Variants in TAMALIN observed in about 807,000 individuals in gnomAD.
TAMALIN encodes the protein protein TAMALIN.
TAMALIN carries 9 observed loss-of-function variants against 38.5 expected under a neutral mutation model. That is an observed-to-expected ratio of 0.23 (90% CI 0.14 to 0.41). The LOEUF (loss-of-function observed/expected upper bound fraction) is 0.41. Among genes scored for constraint, TAMALIN ranks in the 10% least tolerant of loss-of-function variants. The pLI is 1.00. For missense variants in TAMALIN, 548 were observed against 554.1 expected (o/e 0.99, Z 0.11); for synonymous variants, 306 against 256.5 (o/e 1.19, Z -1.85).
chr12:52,013,100 C>T (rs1387494113), intron 4 of TAMALIN, among the ~76,000 whole-genome samples: 8 of 126,850 alleles, frequency 6.3e-5, no homozygotes, highest in Admixed American at 4.3e-4. Flanking sequence ...TTTTTTGAGA[C>T]GGAGTCTCGC....
At chr12:52,014,275 T>C in intron 7 of TAMALIN, 74 bp downstream of exon 7, 1 of 1,274,498 alleles carries the variant, frequency 7.8e-7, no homozygotes, top group Non-Finnish European at 1.1e-6. Flanking sequence ...CCCTCAGAAC[T>C]GGCGGGTTCT....
At position 52,011,542 on chromosome 12, in the gene TAMALIN, T is replaced by C. The variant is rs1456831792; in HGVS notation, c.454+401T>C. 6.6e-6 allele frequency among the ~76,000 whole-genome samples: 1 copy of C among 152,046 alleles called. No individual in the cohort carries two copies. Among genetic ancestry groups the C allele is most frequent in the Non-Finnish European group, 1.5e-5 (1 of 68,008 alleles). On this transcript the variant is annotated intron_variant, in intron 4 of 7. Coordinates refer to ENST00000293662, the MANE Select transcript of TAMALIN (RefSeq NM_181711.4). The surrounding 1 kb of genome is among the most constrained non-coding windows in gnomAD (Gnocchi z 5.3). Reference sequence around the variant, plus strand: ...TGTTTGATATTGGGGATCAGGCCAATCCTGCCCCAAAATGGGCCCAGTGCT... The same window carrying C: ...TGTTTGATATTGGGGATCAGGCCAACCCTGCCCCAAAATGGGCCCAGTGCT...
intron 1 of TAMALIN, among the ~76,000 whole-genome samples, 184 bp from the exon 2 acceptor site, chr12:52,009,006 A>G (rs148022115): frequency 2.0e-5 from 3 of 152,288 alleles, no homozygotes; most frequent in Non-Finnish European, 4.4e-5. Flanking sequence ...GCCTGTAGAG[A>G]AAGTTGAGGA....
In TAMALIN at chr12:52,007,326, G is replaced by C. The variant is rs1447663984; in HGVS notation, c.246+61G>C. The C allele has an allele frequency of 3.0e-6, 4 of 1,351,082 alleles. No individual in the cohort carries two copies. Among genetic ancestry groups the C allele is most frequent in the East Asian group, 5.7e-5 (2 of 35,302 alleles). The allele number at this position is 1,351,082 out of a possible 1,614,324, so 83.7% of individuals were successfully genotyped here. A position where few individuals can be genotyped will look rare whatever the true frequency, so the allele number is the denominator to read the frequency against. On this transcript the variant is annotated intron_variant, in intron 1 of 7. Coordinates refer to ENST00000293662, the MANE Select transcript of TAMALIN (RefSeq NM_181711.4). The surrounding 1 kb of genome is among the most constrained non-coding windows in gnomAD (Gnocchi z 6.7). Reference sequence around the variant, plus strand: ...CCCTCTCCGACTCCCTACAGGGCCTGCTGACTCCGCAGTGCCCTCTCCTCG... The same window carrying C: ...CCCTCTCCGACTCCCTACAGGGCCTCCTGACTCCGCAGTGCCCTCTCCTCG...
chr12:52,007,532 TCTC>T lies in TAMALIN; in HGVS notation c.246+270_246+272del. 3.1e-6 allele frequency: 3 copies of T among 982,534 alleles called. No individual in the cohort carries two copies. The highest frequency in any genetic ancestry group is 4.7e-5 in the South Asian group (1 of 21,172). 60.9% of individuals were successfully genotyped at this position (982,534 alleles called of 1,614,324 possible). A position where few individuals can be genotyped will look rare whatever the true frequency, so the allele number is the denominator to read the frequency against. ...CCTTGACTCCTCCCAGCACCCCCCT[TCTC>T]CTACCCGCTCCATCTGGCTTTCTGC... On this transcript the variant is annotated intron_variant, in intron 1 of 7. Coordinates refer to ENST00000293662, the MANE Select transcript of TAMALIN (RefSeq NM_181711.4). The surrounding 1 kb of genome is among the most constrained non-coding windows in gnomAD (Gnocchi z 6.7).
At chr12:52,009,714 G>C (rs1483133747) in intron 2 of TAMALIN, among the ~76,000 whole-genome samples, 1 of 152,202 alleles carries the variant, frequency 6.6e-6, no homozygotes, top group Non-Finnish European at 1.5e-5. Context: ...AGCCCTCTTA[G>C]GAGGGATCTG....
In TAMALIN at chr12:52,007,827, GC is replaced by G; in HGVS notation, c.246+564del. 1.0e-6 allele frequency: 1 copy of G among 985,454 alleles called. No individual in the cohort carries two copies. The highest frequency in any genetic ancestry group is 1.2e-6 in the Non-Finnish European group (1 of 829,930). The allele number at this position is 985,454 out of a possible 1,614,324, so 61.0% of individuals were successfully genotyped here. A position where few individuals can be genotyped will look rare whatever the true frequency, so the allele number is the denominator to read the frequency against. On this transcript the variant is annotated intron_variant, in intron 1 of 7. Coordinates refer to ENST00000293662, the MANE Select transcript of TAMALIN (RefSeq NM_181711.4). This position sits in a 1 kb window ranked among gnomAD's most constrained non-coding sequence, Gnocchi z 6.7. ...CACGTCTGACGTACGGGGCGCGAGG[GC>G]CACTGCTCCCTGGACTTCTGTCGGA...
chr12:52,010,942 G>A lies in TAMALIN; in HGVS notation c.351+7G>A, dbSNP rs1447827568. ...CTTCGGCTTTGAGATCCAGGTGGGA[G>A]AAGCTGCACACAGGGGTCAGGGGGG... On this transcript the variant is annotated splice_region_variant and intron_variant, in intron 3 of 7. Coordinates refer to ENST00000293662, the MANE Select transcript of TAMALIN (RefSeq NM_181711.4). 2 of 1,614,212 alleles carry A rather than the reference G, an allele frequency of 1.2e-6. No homozygotes were observed. The highest frequency in any genetic ancestry group is 2.2e-5 in the South Asian group (2 of 91,054).
intron 7 of TAMALIN, 55 bp from the exon 8 acceptor site, chr12:52,014,639 G>A: frequency 1.5e-6 from 2 of 1,351,742 alleles, no homozygotes; most frequent in Non-Finnish European, 9.7e-7. Flanking sequence ...ACCCTTTGCA[G>A]AGGCCACCAC....
At chr12:52,012,778 A>G (rs1023854617) in intron 4 of TAMALIN, among the ~76,000 whole-genome samples, 1 of 152,200 alleles carries the variant, frequency 6.6e-6, no homozygotes, top group Non-Finnish European at 1.5e-5. Flanking sequence ...GGGCCCTGAC[A>G]TGGGGCACAC....
At chr12:52,013,818 C>T (rs774008471) in intron 5 of TAMALIN, 38 bp downstream of exon 5, 60 of 1,612,686 alleles carry the variant, frequency 3.7e-5, no homozygotes, top group Admixed American at 8.3e-5. Flanking sequence ...TTCCTGAGCT[C>T]AGCCTCTTGG....
chr12:52,008,827 T>C (rs1195066047), intron 1 of TAMALIN: 2 of 903,570 alleles, frequency 2.2e-6, no homozygotes, highest in African/African-American at 3.6e-5. Flanking sequence ...GCTTTGGGAG[T>C]CTGGATGGCC....
intron 4 of TAMALIN, among the ~76,000 whole-genome samples, chr12:52,013,286 C>A (rs1439832666): frequency 6.6e-6 from 1 of 151,120 alleles, no homozygotes; most frequent in African/African-American, 2.4e-5. Flanking sequence ...ACCGTGTTAG[C>A]CAGGATGGTC....
At chr12:52,008,201 C>T (rs1942446262) in intron 1 of TAMALIN, 1 of 985,336 alleles carries the variant, frequency 1.0e-6, no homozygotes, top group South Asian at 4.7e-5. Context: ...TGGTTCTGAA[C>T]CTTCTCTTCC....
chr12:52,008,029 G>T (rs528053282), intron 1 of TAMALIN: 1 of 985,406 alleles, frequency 1.0e-6, no homozygotes, highest in African/African-American at 1.7e-5. Flanking sequence ...TCACCCAGCC[G>T]CCCTCCTTCG....
chr12:52,015,256 A>C lies in TAMALIN; in HGVS notation c.*57A>C. The C allele has an allele frequency of 6.6e-7, 1 of 1,506,122 alleles. No individual in the cohort carries two copies. The highest frequency in any genetic ancestry group is 2.0e-5 in the Admixed American group (1 of 50,572). The allele number at this position is 1,506,122 out of a possible 1,614,324, so 93.3% of individuals were successfully genotyped here. Reference sequence around the variant, plus strand: ...TTTATTCGCAACAGCCAGCGCTAAAAGAGGGGGAGGCCGAGCCAAGAGGAC... The same window carrying C: ...TTTATTCGCAACAGCCAGCGCTAAACGAGGGGGAGGCCGAGCCAAGAGGAC... On this transcript the variant is annotated 3_prime_UTR_variant, in exon 8 of 8. Coordinates refer to ENST00000293662, the MANE Select transcript of TAMALIN (RefSeq NM_181711.4).
chr12:52,008,067 A>C (rs894647246), intron 1 of TAMALIN: 4 of 985,292 alleles, frequency 4.1e-6, no homozygotes, highest in Admixed American at 1.2e-4. Context: ...CCCCCACACA[A>C]TGAACAGCTT....
chr12:52,011,113 C>T lies in TAMALIN; in HGVS notation c.426C>T (p.Ser142=). The change falls in exon 4 of 8, where the codon AGC becomes AGT. Residue 142 remains serine, a synonymous_variant. Coordinates refer to ENST00000293662, the MANE Select transcript of TAMALIN (RefSeq NM_181711.4). This position sits in a 1 kb window ranked among gnomAD's most constrained non-coding sequence, Gnocchi z 5.3. ...VTFVCRVHES[S]PAQLAGLTPG... is the part of the protein sequence containing the mutation. The stretch of plus-strand genomic sequence containing the variant: ...TTGTCTGCCGAGTTCATGAGTCTAG[C>T]CCTGCCCAGCTGGCTGGGCTCACAC... 6.2e-7 allele frequency: 1 copy of T among 1,612,598 alleles called. No homozygotes were observed. Among genetic ancestry groups the T allele is most frequent in the Non-Finnish European group, 8.5e-7 (1 of 1,179,984 alleles).
At chr12:52,010,260 C>T (rs1942480889) in intron 2 of TAMALIN, among the ~76,000 whole-genome samples, 1 of 151,826 alleles carries the variant, frequency 6.6e-6, no homozygotes, top group Non-Finnish European at 1.5e-5. Context: ...TCTGGCTGGG[C>T]GGGAAGGAAG....
Sources: gnomAD v4.1 joint callset for allele counts (sites outside exome capture counted in the v4.1 genomes callset) on GRCh38, gnomAD v4.1.1 for gene constraint, Gnocchi (gnomAD v3.1) non-coding constraint, MANE v1.5 for transcripts, NCBI Gene and HGNC (gene_info 2026-07-23, HGNC 2026-07-21) for gene names.